Variants in ABCA13 observed in about 807,000 individuals in gnomAD.
The protein encoded by ABCA13 is ATP-binding cassette sub-family A member 13.
ABCA13 carries 476 observed loss-of-function variants against 478.7 expected under a neutral mutation model. The ratio of observed to expected loss-of-function variants is 0.99; its 90% CI spans 0.92 to 1.07. The LOEUF (loss-of-function observed/expected upper bound fraction) is 1.07, where lower values mean the gene tolerates loss of function less well. Among genes scored for constraint, ABCA13 ranks in the 50% least tolerant of loss-of-function variants. The pLI is 0.00. For missense variants in ABCA13, 6,060 were observed against 5,910.6 expected, an observed-to-expected ratio of 1.03 and a Z score of -0.83; for synonymous variants, 2,252 against 2,158.9, an observed-to-expected ratio of 1.04 and a Z score of -1.20.
chr7:48,244,847 T>C, intron 11 of ABCA13, 144 bp downstream of exon 11: 1 of 1,015,558 alleles, frequency 9.8e-7, no homozygotes, highest in Non-Finnish European at 1.4e-6. Flanking sequence ...TGCTTTACTC[T>C]GATGCCTTCT....
chr7:48,184,485 A>G (rs1204287721), intron 1 of ABCA13, among the ~76,000 whole-genome samples: 2 of 152,310 alleles, frequency 1.3e-5, no homozygotes, highest in African/African-American at 4.8e-5. Flanking sequence ...TAAAAAGAAA[A>G]GGAAAACTGT....
At position 48,580,392 on chromosome 7, in the gene ABCA13, C is replaced by A; in HGVS notation, c.14505+18C>A. The A allele has an allele frequency of 6.2e-7, 1 of 1,604,896 alleles. No individual in the cohort carries two copies. The highest frequency in any genetic ancestry group is 8.5e-7 in the Non-Finnish European group (1 of 1,175,486). On this transcript the variant is annotated intron_variant, in intron 56 of 61. Transcript: ENST00000435803. The stretch of plus-strand genomic sequence containing the variant: ...TCCCTGAGGTAAATCTCCCTGGGGT[C>A]TTCTAGATAAAGGGACCCATTGAGG...
chr7:48,222,893 T>C (rs1388228222), intron 5 of ABCA13, among the ~76,000 whole-genome samples: 1 of 152,102 alleles, frequency 6.6e-6, no homozygotes, highest in Non-Finnish European at 1.5e-5. Context: ...AGACCGACGG[T>C]AGCCAGAGCG....
At chr7:48,374,723 C>G (rs935665806) in intron 34 of ABCA13, among the ~76,000 whole-genome samples, 3 of 152,190 alleles carry the variant, frequency 2.0e-5, no homozygotes, top group Admixed American at 1.3e-4. Context: ...TCTGAACCTT[C>G]CAAGATAGGG....
At chr7:48,403,619 G>C in intron 38 of ABCA13, 64 bp from the exon 39 acceptor site, 1 of 1,504,316 alleles carries the variant, frequency 6.6e-7, no homozygotes, top group Non-Finnish European at 9.1e-7. Context: ...TATTTCTGGA[G>C]TGAAATTAGA....
chr7:48,414,911 TG>T (rs1019902476), intron 41 of ABCA13, among the ~76,000 whole-genome samples: 5 of 152,200 alleles, frequency 3.3e-5, no homozygotes, highest in African/African-American at 9.7e-5. Context: ...CATGAGACGT[TG>T]CTGCCGTAGC....
intron 55 of ABCA13, among the ~76,000 whole-genome samples, chr7:48,562,043 C>A (rs996320519): frequency 2.0e-5 from 3 of 150,516 alleles, no homozygotes; most frequent in Non-Finnish European, 2.9e-5. Context: ...AGTGCCCTGT[C>A]TTCTGGTTGG....
intron 55 of ABCA13, among the ~76,000 whole-genome samples, chr7:48,549,125 C>T (rs1412491876): frequency 6.6e-6 from 1 of 151,656 alleles, no homozygotes; most frequent in African/African-American, 2.4e-5. Flanking sequence ...TATACATATG[C>T]CGTGGTGGTT....
At chr7:48,286,800 G>A (rs974117266) in intron 19 of ABCA13, among the ~76,000 whole-genome samples, 3 of 152,072 alleles carry the variant, frequency 2.0e-5, no homozygotes, top group African/African-American at 7.2e-5. Context: ...ACCGTGCCTG[G>A]CTCAGAACTT....
intron 39 of ABCA13, among the ~76,000 whole-genome samples, chr7:48,409,618 G>A (rs1256963566): frequency 2.6e-5 from 4 of 152,074 alleles, no homozygotes; most frequent in Non-Finnish European, 5.9e-5. Flanking sequence ...AATACATGTG[G>A]TTACATCATC....
In ABCA13 at chr7:48,352,227, G is replaced by C; in HGVS notation, c.10428G>C (p.Glu3476Asp). 6.2e-7 allele frequency: 1 copy of C among 1,610,690 alleles called. No homozygotes were observed. The highest frequency in any genetic ancestry group is 1.1e-5 in the South Asian group (1 of 90,968). Reference sequence around the variant, plus strand: ...TATTCGACAAGAACTTCAGATCAGAGTCTGTCAAACTGCCACCCCATGTCT... The same window carrying C: ...TATTCGACAAGAACTTCAGATCAGACTCTGTCAAACTGCCACCCCATGTCT... ...NSLFDKNFRS[E>D]SVKLPPHVSY... The change falls in exon 31 of 62, where the codon GAG becomes GAC. Residue 3476 changes from glutamate to aspartate, a missense_variant. Coordinates refer to ENST00000435803, the MANE Select transcript of ABCA13 (RefSeq NM_152701.5).
At chr7:48,346,225 T>G (rs1335885811) in intron 29 of ABCA13, among the ~76,000 whole-genome samples, 2 of 152,098 alleles carry the variant, frequency 1.3e-5, no homozygotes, top group Non-Finnish European at 2.9e-5. Flanking sequence ...TGTACCTATG[T>G]CTCCCAATTA....
rs1198102722 is a variant in ABCA13 at position 48,403,820 on chromosome 7, G to C, written c.12011G>C (p.Ser4004Thr). Reference protein sequence around the residue: ...SRTVVLDEPTSGVDPCSRHSL... With the variant: ...SRTVVLDEPTTGVDPCSRHSL... ...ACCGTGGTTCTGGATGAGCCCACCA[G>C]TGGGGTGGACCCTTGCTCCCGGCAT... The change falls in exon 39 of 62, where the codon AGT (serine) becomes ACT (threonine). Residue 4004 changes from serine (S) to threonine (T), a missense_variant. Physicochemically the swap from Ser to Thr is moderately conservative, Grantham distance 58 (BLOSUM62 1). Around this residue, in one of 3 missense-constraint regions of ABCA13, gnomAD observed 1,627 missense variants for 1,571.0 expected, o/e 1.04. Transcript: ENST00000435803. 2.5e-6 allele frequency: 4 copies of C among 1,613,776 alleles called. No homozygotes were observed. The highest frequency in any genetic ancestry group is 3.3e-5 in the Admixed American group (2 of 60,006).
In ABCA13 at chr7:48,517,248, T is replaced by C. The variant is rs77973965; in HGVS notation, c.13797+367T>C. On this transcript the variant is annotated intron_variant, in intron 52 of 61. Coordinates refer to ENST00000435803, the MANE Select transcript of ABCA13 (RefSeq NM_152701.5). ...TCATTGAAACATGCCCTCTCAATGT[T>C]CACCATCGTTTGGGTCAGACACTAC... 9.9e-3 allele frequency among the ~76,000 whole-genome samples: 1,505 copies of C among 152,224 alleles called. 30 individuals carry two copies. The highest frequency in any genetic ancestry group is 0.034 in the African/African-American group (1,407 of 41,550).
chr7:48,422,451 T>C (rs1052524267), intron 41 of ABCA13, among the ~76,000 whole-genome samples: 2 of 152,240 alleles, frequency 1.3e-5, no homozygotes, highest in Admixed American at 1.3e-4. Context: ...ATTGACTTTT[T>C]ATAACTTATG....
At chr7:48,401,744 A>AACACACACACACACACACACAC (rs55694821) in intron 38 of ABCA13, among the ~76,000 whole-genome samples, 1,685 of 143,904 alleles carry the variant, frequency 0.012, 13 homozygotes, top group East Asian at 0.044. Flanking sequence ...AGAATTTTAA[A>AACACACACACACACACACACAC]ACACACACAC....
In ABCA13 at chr7:48,278,460, G is replaced by C; in HGVS notation, c.7266G>C (p.Glu2422Asp). The C allele has an allele frequency of 6.2e-7, 1 of 1,613,952 alleles. No individual in the cohort carries two copies. The change falls in exon 18 of 62, where the codon GAG becomes GAC. Residue 2422 changes from glutamate to aspartate, a missense_variant. Physicochemically the swap from Glu to Asp is conservative, Grantham distance 45 (BLOSUM62 2). Around this residue, in one of 3 missense-constraint regions of ABCA13, gnomAD observed 4,423 missense variants for 4,309.1 expected, o/e 1.03. Coordinates refer to ENST00000435803, the MANE Select transcript of ABCA13 (RefSeq NM_152701.5). ...ALHLVRECST[E>D]MARLLDTILH... ...ACCTTGTAAGAGAATGTTCAACAGA[G>C]ATGGCAAGACTTCTGGATACAATTT...
At chr7:48,484,868 G>T (rs933722845) in intron 47 of ABCA13, among the ~76,000 whole-genome samples, 1 of 152,200 alleles carries the variant, frequency 6.6e-6, no homozygotes, top group African/African-American at 2.4e-5. Context: ...TACCAGAACT[G>T]CTGGCGGCTG....
intron 7 of ABCA13, among the ~76,000 whole-genome samples, chr7:48,231,230 T>A (rs563940132): frequency 6.7e-5 from 10 of 148,280 alleles, no homozygotes; most frequent in African/African-American, 2.5e-4. Context: ...AGGAGAGAGA[T>A]ATGTCAATAA....
Sources: allele counts gnomAD v4.1 joint callset (sites outside exome capture counted in the v4.1 genomes callset), GRCh38; gene constraint gnomAD v4.1.1; regional missense constraint gnomAD v4.1.1; transcripts MANE v1.5; gene names NCBI Gene and HGNC (gene_info 2026-07-23, HGNC 2026-07-21).